The following ARMCX6 variants were observed in gnomAD, a reference collection of about 807,000 sequenced individuals.
The protein encoded by ARMCX6 is protein ARMCX6.
For synonymous variants in ARMCX6, 85 were observed against 70.3 expected (o/e 1.21, Z -1.05); for missense variants, 194 against 186.0 (o/e 1.04, Z -0.25).
In ARMCX6 at chrX:101,616,479, C is replaced by T. The variant is rs937017639; in HGVS notation, c.142G>A (p.Asp48Asn). 1 of 1,211,632 alleles carries T rather than the reference C, an allele frequency of 8.3e-7. No homozygotes were observed. Among genetic ancestry groups the T allele is most frequent in the Non-Finnish European group, 1.1e-6 (1 of 895,375 alleles). The stretch of plus-strand genomic sequence containing the variant: ...GGCTCCTCCTCATCCAGCTCCTGGT[C>T]ATCGTCCCACTCCTCTTCCCCCTCC... ...EEEGEEEWDD[D>N]QELDEEEPDI... The change falls in exon 3 of 3, where the codon GAC (aspartate) becomes AAC (asparagine). Residue 48 changes from aspartate (D) to asparagine (N), a missense_variant. By Grantham distance (23) the Asp-to-Asn change is conservative (BLOSUM62 1). Transcript: ENST00000361910.
In ARMCX6 at chrX:101,616,511, A is replaced by G. The variant is rs782581200; in HGVS notation, c.110T>C (p.Leu37Pro). 40 of 1,209,727 alleles carry G rather than the reference A, an allele frequency of 3.3e-5. No homozygotes were observed. The highest frequency in any genetic ancestry group is 4.1e-5 in the Non-Finnish European group (37 of 895,040). Residue 37 changes from leucine to proline, a missense_variant, in exon 3 of 3, where the codon CTG becomes CCG. Transcript: ENST00000361910. ...LTIGRDDSEKLEEEGEEEWDD... is the reference protein window; with the variant it reads ...LTIGRDDSEKPEEEGEEEWDD... Reference sequence around the variant, plus strand: ...CCACTCCTCTTCCCCCTCCTCCTCCAGCTTCTCACTGTCATCTCTTCCTAT... The same window carrying G: ...CCACTCCTCTTCCCCCTCCTCCTCCGGCTTCTCACTGTCATCTCTTCCTAT...
rs369699986 is a variant in ARMCX6, at chrX:101,616,396, C to G, written c.225G>C (p.Trp75Cys). ...MARPWTEDGD[W>C]TEPGAPGGTE... ...TGCCACCTGGGGCCCCAGGTTCAGT[C>G]CAATCCCCATCCTCAGTCCAGGGCC... is the stretch of plus-strand genomic sequence containing the variant. The change falls in exon 3 of 3, where the codon TGG becomes TGC. Residue 75 changes from tryptophan to cysteine, a missense_variant. Physicochemically the swap from Trp to Cys is radical, Grantham distance 215 (BLOSUM62 -2). Transcript: ENST00000361910. 8.7e-5 allele frequency: 105 copies of G among 1,209,451 alleles called. No individual in the cohort carries two copies. Among genetic ancestry groups the G allele is most frequent in the Non-Finnish European group, 1.2e-4 (103 of 895,052 alleles).
At chrX:101,617,199 A>C (rs1431958378) in intron 2 of ARMCX6, 1 of 112,941 alleles carries the variant, frequency 8.9e-6, no homozygotes, top group Non-Finnish European at 1.9e-5. Flanking sequence ...GAGAAATGAA[A>C]GTGTAGTGGA....
At position 101,616,296 on chromosome X, in the gene ARMCX6, G is replaced by T. The variant is rs1556035778; in HGVS notation, c.325C>A (p.His109Asn). 3 of 1,211,561 alleles carry T rather than the reference G, an allele frequency of 2.5e-6. No individual in the cohort carries two copies. The highest frequency in any genetic ancestry group is 3.4e-6 in the Non-Finnish European group (3 of 895,479). Residue 109 changes from histidine to asparagine, a missense_variant, in exon 3 of 3, where the codon CAT (histidine) becomes AAT (asparagine). Transcript: ENST00000361910. Reference sequence around the variant, plus strand: ...TTTTGAGCACTCCAAGTATTTTTATGTTCATAGGGGAATGGCCGCTGTTTT... The same window carrying T: ...TTTTGAGCACTCCAAGTATTTTTATTTTCATAGGGGAATGGCCGCTGTTTT... ...PIKQRPFPYE[H>N]KNTWSAQNCK...
rs782538200 is a variant in ARMCX6 at position 101,616,374 on chromosome X, C to T, written c.247G>A (p.Gly83Ser). The change falls in exon 3 of 3, where the codon GGC becomes AGC. Residue 83 changes from glycine to serine, a missense_variant. By Grantham distance (56) the Gly-to-Ser change is moderately conservative. Transcript: ENST00000361910. ...GDWTEPGAPG[G>S]TEDRPSGGGK... ...CCCCCTGAGGGCCTGTCCTCAGTGC[C>T]ACCTGGGGCCCCAGGTTCAGTCCAA... The T allele has an allele frequency of 3.3e-6, 4 of 1,211,635 alleles. No homozygotes were observed. Among genetic ancestry groups the T allele is most frequent in the Non-Finnish European group, 4.5e-6 (4 of 895,432 alleles).
In ARMCX6 at chrX:101,616,755, C is replaced by A. The variant is rs1439772393; in HGVS notation, c.-135G>T. 6 of 1,053,505 alleles carry A rather than the reference C, an allele frequency of 5.7e-6. No individual in the cohort carries two copies. Among genetic ancestry groups the A allele is most frequent in the Non-Finnish European group, 6.2e-6 (5 of 805,559 alleles). 86.8% of individuals were successfully genotyped at this position (1,053,505 alleles called of 1,213,427 possible). A position where few individuals can be genotyped will look rare whatever the true frequency, so the allele number is the denominator to read the frequency against. Reference sequence around the variant, plus strand: ...GCTTCTTCCAGGCTCTTGTAGCTCTCTTGTGATGAATCTGTGGGTGAAACA... The same window carrying A: ...GCTTCTTCCAGGCTCTTGTAGCTCTATTGTGATGAATCTGTGGGTGAAACA... On this transcript the variant is annotated 5_prime_UTR_variant, in exon 3 of 3. Transcript: ENST00000361910.
In ARMCX6 at chrX:101,616,594, C is replaced by G. The variant is rs1041582133; in HGVS notation, c.27G>C (p.Trp9Cys). 1.7e-6 allele frequency: 2 copies of G among 1,208,767 alleles called. No homozygotes were observed. Among genetic ancestry groups the G allele is most frequent in the African/African-American group, 1.7e-5 (1 of 57,354 alleles). The stretch of plus-strand genomic sequence containing the variant: ...CCCCAATCATCAGTCCTGCCGCCAT[C>G]CAACCCACTTCCCGAGCCCGGCCCA... MGRAREVG[W>C]MAAGLMIGAG... The change falls in exon 3 of 3, where the codon TGG (tryptophan) becomes TGC (cysteine). Residue 9 changes from tryptophan to cysteine, a missense_variant. By Grantham distance (215) the Trp-to-Cys change is radical. Coordinates refer to ENST00000361910, the MANE Select transcript of ARMCX6 (RefSeq NM_019007.4).
Position 101,616,728 on chromosome X carries a change from C to T in ARMCX6, c.-108G>A. 4.8e-5 allele frequency: 53 copies of T among 1,096,974 alleles called. No homozygotes were observed. The highest frequency in any genetic ancestry group is 6.2e-5 in the Non-Finnish European group (52 of 837,760). 90.4% of individuals were successfully genotyped at this position (1,096,974 alleles called of 1,213,427 possible). A position where few individuals can be genotyped will look rare whatever the true frequency, so the allele number is the denominator to read the frequency against. On this transcript the variant is annotated 5_prime_UTR_variant, in exon 3 of 3. Coordinates refer to ENST00000361910, the MANE Select transcript of ARMCX6 (RefSeq NM_019007.4). Reference sequence around the variant, plus strand: ...AGTAAGGATGGAGGGTAGCAGTCTTCAGCTTCTTCCAGGCTCTTGTAGCTC... The same window carrying T: ...AGTAAGGATGGAGGGTAGCAGTCTTTAGCTTCTTCCAGGCTCTTGTAGCTC...
In ARMCX6 at chrX:101,616,425, C is replaced by T. The variant is rs1741495058; in HGVS notation, c.196G>A (p.Ala66Thr). 1 of 1,211,679 alleles carries T rather than the reference C, an allele frequency of 8.3e-7. No homozygotes were observed. The highest frequency in any genetic ancestry group is 2.2e-5 in the Admixed American group (1 of 46,060). ...TCCCCATCCTCAGTCCAGGGCCGAG[C>T]CATAGTTTCAAAATCAAACCAAATA... ...PDIWFDFETM[A>T]RPWTEDGDWT... is the part of the protein sequence containing the mutation. Residue 66 changes from alanine to threonine, a missense_variant, in exon 3 of 3, where the codon GCT (alanine) becomes ACT (threonine). Physicochemically the swap from Ala to Thr is moderately conservative, Grantham distance 58 (BLOSUM62 0). Coordinates refer to ENST00000361910, the MANE Select transcript of ARMCX6 (RefSeq NM_019007.4).
chrX:101,616,838 G>A lies in ARMCX6; in HGVS notation c.-146-72C>T, dbSNP rs782099677. On this transcript the variant is annotated intron_variant, in intron 2 of 2. Transcript: ENST00000361910. ...GTGCCTCACAGACAGGGTGGATTTC[G>A]AGTTGGTGATAAAGGCAGATTAACA... 3.6e-5 allele frequency: 20 copies of A among 562,211 alleles called. No homozygotes were observed. In the East Asian group the frequency reaches 6.6e-4, roughly 19 times the overall value. The allele number at this position is 562,211 out of a possible 1,213,427, so 46.3% of individuals were successfully genotyped here. A position where few individuals can be genotyped will look rare whatever the true frequency, so the allele number is the denominator to read the frequency against.
chrX:101,617,336 T>C (rs1205554001), intron 2 of ARMCX6, 167 bp downstream of exon 2: 2 of 111,558 alleles, frequency 1.8e-5, no homozygotes, highest in Non-Finnish European at 3.8e-5. Flanking sequence ...GTCCGCCATT[T>C]CCCCAGCAAA....
intron 2 of ARMCX6, 193 bp from the exon 3 acceptor site, chrX:101,616,959 T>C (rs781847357): frequency 2.8e-4 from 66 of 232,121 alleles, no homozygotes; most frequent in African/African-American, 1.7e-3. Flanking sequence ...GGGCAGGAGA[T>C]GGGTCTCTGC....
chrX:101,615,692 C>T lies in ARMCX6; in HGVS notation c.*26G>A, dbSNP rs2147758059. ...AACCAAGCGCGTTGTGGGTGGATTCCGTCCCATTGTGTTCGAGAGGGCCGT... is the reference window on the plus strand; with the variant it reads ...AACCAAGCGCGTTGTGGGTGGATTCTGTCCCATTGTGTTCGAGAGGGCCGT... On this transcript the variant is annotated 3_prime_UTR_variant, in exon 3 of 3. Coordinates refer to ENST00000361910, the MANE Select transcript of ARMCX6 (RefSeq NM_019007.4). The T allele has an allele frequency of 9.7e-6, 1 of 103,277 alleles. No homozygotes were observed. 8.5% of individuals were successfully genotyped at this position (103,277 alleles called of 1,213,427 possible). A position where few individuals can be genotyped will look rare whatever the true frequency, so the allele number is the denominator to read the frequency against.
In ARMCX6 at chrX:101,616,217, C is replaced by T. The variant is rs781878371; in HGVS notation, c.404G>A (p.Gly135Glu). The T allele has an allele frequency of 8.3e-7, 1 of 1,210,837 alleles. No homozygotes were observed. The highest frequency in any genetic ancestry group is 3.0e-5 in the East Asian group (1 of 33,790). Residue 135 changes from glycine to glutamate, a missense_variant, in exon 3 of 3, where the codon GGA becomes GAA. Gly to Glu is a moderately conservative substitution (Grantham distance 98). Transcript: ENST00000361910. Reference sequence around the variant, plus strand: ...CTTGGGCTCGGCAAACAACAGTTTTCCCTGAATGAAAAGACACTTGGAGAG... The same window carrying T: ...CTTGGGCTCGGCAAACAACAGTTTTTCCTGAATGAAAAGACACTTGGAGAG... ...LDLSKCLFIQ[G>E]KLLFAEPKDA...
chrX:101,616,200 C>T lies in ARMCX6; in HGVS notation c.421G>A (p.Glu141Lys), dbSNP rs782087344. The T allele has an allele frequency of 8.3e-6, 10 of 1,206,082 alleles. No homozygotes were observed. Among genetic ancestry groups the T allele is most frequent in the East Asian group, 5.9e-5 (2 of 33,622 alleles). ...LFIQGKLLFA[E>K]PKDAGFPFSQ... is the part of the protein sequence containing the mutation. ...AATGGAAAGCCCGCATCCTTGGGCT[C>T]GGCAAACAACAGTTTTCCCTGAATG... The change falls in exon 3 of 3, where the codon GAG (glutamate) becomes AAG (lysine). Residue 141 changes from glutamate to lysine, a missense_variant. Transcript: ENST00000361910.
chrX:101,616,904 A>C, intron 2 of ARMCX6, 138 bp from the exon 3 acceptor site: 1 of 327,106 alleles, frequency 3.1e-6, no homozygotes, highest in East Asian at 5.2e-5. Flanking sequence ...GTCTTCCTCT[A>C]TCGACCTCAG....
In ARMCX6 at chrX:101,616,117, G is replaced by A. The variant is rs781830222; in HGVS notation, c.504C>T (p.Pro168=). 19 of 1,175,427 alleles carry A rather than the reference G, an allele frequency of 1.6e-5. No homozygotes were observed. The highest frequency in any genetic ancestry group is 2.0e-5 in the Non-Finnish European group (18 of 878,930). Residue 168 remains proline, a synonymous_variant, in exon 3 of 3, where the codon CCC becomes CCT. Coordinates refer to ENST00000361910, the MANE Select transcript of ARMCX6 (RefSeq NM_019007.4). ...CCTCTCTAACAGTGGGGTCTGGAGT[G>A]GGGCTCGTGTTTCTAGCCATTGAGA... ...ASLSMARNTS[P]TPDPTVREAL...
chrX:101,617,947 A>G lies in ARMCX6; in HGVS notation c.-291T>C, dbSNP rs1443880569. 9.0e-6 allele frequency: 1 copy of G among 111,320 alleles called. No homozygotes were observed. The highest frequency in any genetic ancestry group is 2.9e-4 in the East Asian group (1 of 3,497). The allele number at this position is 111,320 out of a possible 1,213,427, so 9.2% of individuals were successfully genotyped here. The stretch of plus-strand genomic sequence containing the variant: ...GCCTGCAGAGTAATAGGGGGCTGGT[A>G]CCCAGACGGAGGCGACTAGCAGGAC... On this transcript the variant is annotated 5_prime_UTR_variant, in exon 1 of 3. Coordinates refer to ENST00000361910, the MANE Select transcript of ARMCX6 (RefSeq NM_019007.4).
Position 101,616,300 on chromosome X carries a change from A to G in ARMCX6, c.321T>C (p.Tyr107=), listed in dbSNP as rs1315057320. The change falls in exon 3 of 3, where the codon TAT becomes TAC. Residue 107 remains tyrosine, a synonymous_variant. Coordinates refer to ENST00000361910, the MANE Select transcript of ARMCX6 (RefSeq NM_019007.4). The part of the protein sequence containing the change: ...AHPIKQRPFP[Y]EHKNTWSAQN... The stretch of plus-strand genomic sequence containing the variant: ...GAGCACTCCAAGTATTTTTATGTTC[A>G]TAGGGGAATGGCCGCTGTTTTATTG... 8.3e-7 allele frequency: 1 copy of G among 1,209,765 alleles called. No homozygotes were observed. Among genetic ancestry groups the G allele is most frequent in the African/African-American group, 1.8e-5 (1 of 56,996 alleles).
Sources: allele counts gnomAD v4.1 joint callset, GRCh38; gene constraint gnomAD v4.1.1; transcripts MANE v1.5; gene names NCBI Gene and HGNC (gene_info 2026-07-23, HGNC 2026-07-21).